The following MGAT4A variants were observed in gnomAD, a reference collection of about 807,000 sequenced individuals.
The protein encoded by MGAT4A is N-acetylglucosaminyltransferase IVa.
Under a neutral mutation model 74.1 loss-of-function variants are expected in MGAT4A, and 33 were observed. The ratio of observed to expected loss-of-function variants is 0.45; its 90% CI spans 0.34 to 0.60. The LOEUF (loss-of-function observed/expected upper bound fraction) is 0.60, where lower values mean the gene tolerates loss of function less well. MGAT4A is among the 20% of genes least tolerant of loss of function. MGAT4A has a pLI of 0.02. For missense variants in MGAT4A, 479 were observed against 628.3 expected (o/e 0.76, Z 2.54); for synonymous variants, 198 against 210.4 (o/e 0.94, Z 0.51).
chr2:98,725,534 T>G (rs1210436370), intron 2 of MGAT4A, among the ~76,000 whole-genome samples: 2 of 151,624 alleles, frequency 1.3e-5, no homozygotes, highest in Non-Finnish European at 2.9e-5. Flanking sequence ...ATCTTTCTTC[T>G]CATCATCAAC....
In MGAT4A at chr2:98,635,210, A is replaced by G. The variant is rs761089475; in HGVS notation, c.1468+12T>C. On this transcript the variant is annotated intron_variant, in intron 14 of 15. Coordinates refer to ENST00000393487, the MANE Select transcript of MGAT4A (RefSeq NM_012214.3). ...AGAAAAATAAAGGCCATTTTACTAAAGTAGATATTACCTATTCTGAAATAG... is the reference window on the plus strand; with the variant it reads ...AGAAAAATAAAGGCCATTTTACTAAGGTAGATATTACCTATTCTGAAATAG... 6.3e-7 allele frequency: 1 copy of G among 1,586,496 alleles called. No individual in the cohort carries two copies. The highest frequency in any genetic ancestry group is 1.8e-5 in the Admixed American group (1 of 54,862).
At chr2:98,640,851 T>C (rs1027473274) in intron 10 of MGAT4A, among the ~76,000 whole-genome samples, 17 of 152,184 alleles carry the variant, frequency 1.1e-4, no homozygotes, top group African/African-American at 4.1e-4. Flanking sequence ...GAATAAACTA[T>C]AGACTAGGGG....
chr2:98,658,232 G>C lies in MGAT4A; in HGVS notation c.570C>G (p.Ala190=), dbSNP rs1240003520. ...GAAGAACTTACTCTTTCTCCAGGTTGGCTACAACACCATGTACATAATCAA... is the reference window on the plus strand; with the variant it reads ...GAAGAACTTACTCTTTCTCCAGGTTCGCTACAACACCATGTACATAATCAA... ...TDIDYVHGVV[A]NLEKEFSKEI... The change falls in exon 6 of 16, where the codon GCC becomes GCG. Residue 190 remains alanine (A), a synonymous_variant. Transcript: ENST00000393487. 1.3e-6 allele frequency: 2 copies of C among 1,575,372 alleles called. No homozygotes were observed. Among genetic ancestry groups the C allele is most frequent in the Admixed American group, 3.6e-5 (2 of 56,268 alleles).
At chr2:98,725,700 A>T (rs1575286534) in intron 2 of MGAT4A, among the ~76,000 whole-genome samples, 1 of 152,102 alleles carries the variant, frequency 6.6e-6, no homozygotes, top group African/African-American at 2.4e-5. Flanking sequence ...TTAATTTTTA[A>T]AAAATGTTTT....
At chr2:98,689,437 C>CT (rs748109418) in intron 2 of MGAT4A, among the ~76,000 whole-genome samples, 31 of 152,198 alleles carry the variant, frequency 2.0e-4, no homozygotes, top group African/African-American at 4.3e-4. Flanking sequence ...AGAACTTTCT[C>CT]TAATTCAGAT....
chr2:98,689,941 T>C (rs1702172876), intron 2 of MGAT4A, among the ~76,000 whole-genome samples: 1 of 152,140 alleles, frequency 6.6e-6, no homozygotes, highest in Admixed American at 6.6e-5. Flanking sequence ...CTGAATTTTC[T>C]TTCTGCCTCA....
intron 1 of MGAT4A, chr2:98,730,201 C>A (rs768258358): frequency 2.6e-5 from 4 of 152,244 alleles, no homozygotes; most frequent in Non-Finnish European, 4.4e-5. Flanking sequence ...ATACATTGTG[C>A]CTGCTTCTAT....
chr2:98,680,103 C>G (rs577857757), intron 2 of MGAT4A, among the ~76,000 whole-genome samples: 1 of 145,040 alleles, frequency 6.9e-6, no homozygotes, highest in African/African-American at 2.5e-5. Context: ...TACAGTGGCG[C>G]GATCTCGGCT....
intron 3 of MGAT4A, among the ~76,000 whole-genome samples, chr2:98,676,184 A>G (rs1575263576): frequency 6.6e-6 from 1 of 152,348 alleles, no homozygotes; most frequent in South Asian, 2.1e-4. Flanking sequence ...CATTAAAAAT[A>G]TGAGAAGAAC....
chr2:98,717,421 A>C (rs1313663847), intron 2 of MGAT4A, among the ~76,000 whole-genome samples: 1 of 152,116 alleles, frequency 6.6e-6, no homozygotes, highest in African/African-American at 2.4e-5. Context: ...ATACTGGAAG[A>C]AAGTAGGAGG....
intron 4 of MGAT4A, among the ~76,000 whole-genome samples, chr2:98,663,662 A>G (rs1701785303): frequency 6.6e-6 from 1 of 152,076 alleles, no homozygotes; most frequent in South Asian, 2.1e-4. Context: ...AAATAACAGT[A>G]CTCTTTAAAG....
At chr2:98,716,884 G>GT (rs1702600434) in intron 2 of MGAT4A, among the ~76,000 whole-genome samples, 2 of 152,016 alleles carry the variant, frequency 1.3e-5, no homozygotes, top group Non-Finnish European at 2.9e-5. Context: ...GTTATACTGT[G>GT]TTTTTTAGGG....
Position 98,656,358 on chromosome 2 carries a change from C to CT in MGAT4A, c.691dup (p.Arg231LysfsTer30). ...TTAAACGGCACATGCTCACCTTACT[C>CT]TTTCTTTGGAGTCTCCAAATGTCTC... is the stretch of plus-strand genomic sequence containing the variant. On this transcript the variant is annotated frameshift_variant, in exon 7 of 16. Transcript: ENST00000393487. LOFTEE classifies it high-confidence loss of function. 1 of 1,586,794 alleles carries CT rather than the reference C, an allele frequency of 6.3e-7. No homozygotes were observed. The highest frequency in any genetic ancestry group is 2.2e-5 in the East Asian group (1 of 44,642).
At chr2:98,706,391 T>C (rs1300826422) in intron 2 of MGAT4A, among the ~76,000 whole-genome samples, 1 of 151,902 alleles carries the variant, frequency 6.6e-6, no homozygotes, top group Non-Finnish European at 1.5e-5. Context: ...TTTTTATTTT[T>C]ATGATCTCAG....
chr2:98,667,249 A>G (rs1701847433), intron 4 of MGAT4A, among the ~76,000 whole-genome samples: 3 of 152,222 alleles, frequency 2.0e-5, no homozygotes, highest in Admixed American at 2.0e-4. Flanking sequence ...CTTTATCAGC[A>G]GCATGAAAAT....
intron 2 of MGAT4A, among the ~76,000 whole-genome samples, chr2:98,710,297 C>T (rs1317206502): frequency 2.6e-5 from 4 of 152,078 alleles, no homozygotes; most frequent in Admixed American, 1.3e-4. Flanking sequence ...AAGAAAACAG[C>T]CTAACATGGT....
chr2:98,701,131 C>T (rs1702351067), intron 2 of MGAT4A, among the ~76,000 whole-genome samples: 1 of 152,156 alleles, frequency 6.6e-6, no homozygotes, highest in Non-Finnish European at 1.5e-5. Context: ...GAGATCCCCA[C>T]AGGTCCTTGG....
At chr2:98,683,546 CA>C (rs1042869350) in intron 2 of MGAT4A, among the ~76,000 whole-genome samples, 5 of 149,968 alleles carry the variant, frequency 3.3e-5, no homozygotes, top group Non-Finnish European at 2.9e-5. Flanking sequence ...TTCATTTCAT[CA>C]TTTTTTTTTT....
chr2:98,637,752 G>C (rs1038384159), intron 12 of MGAT4A, among the ~76,000 whole-genome samples: 1 of 152,164 alleles, frequency 6.6e-6, no homozygotes, highest in African/African-American at 2.4e-5. Context: ...AGTTTCCTCA[G>C]CTTTCTGAGC....
Sources: gnomAD v4.1 joint callset for allele counts (sites outside exome capture counted in the v4.1 genomes callset) on GRCh38, gnomAD v4.1.1 for gene constraint, MANE v1.5 for transcripts, NCBI Gene and HGNC (gene_info 2026-07-23, HGNC 2026-07-21) for gene names.